The following MARCHF1 variants were observed in gnomAD, a reference collection of about 807,000 sequenced individuals.
MARCHF1 encodes E3 ubiquitin-protein ligase MARCHF1.
Under a neutral mutation model 54.2 loss-of-function variants are expected in MARCHF1, and 40 were observed. The ratio of observed to expected loss-of-function variants is 0.74; its 90% CI spans 0.57 to 0.96. The LOEUF (loss-of-function observed/expected upper bound fraction) is 0.96. Among genes scored for constraint, MARCHF1 ranks in the 40% least tolerant of loss-of-function variants. The pLI, the probability that MARCHF1 is intolerant of heterozygous loss-of-function variation, is 0.00. For missense variants in MARCHF1, 586 were observed against 656.5 expected (o/e 0.89, Z 1.17); for synonymous variants, 236 against 236.3 (o/e 1.00, Z 0.01).
chr4:164,192,626 A>C (rs767886178), intron 1 of MARCHF1, among the ~76,000 whole-genome samples: 4 of 146,998 alleles, frequency 2.7e-5, no homozygotes, highest in Non-Finnish European at 5.9e-5. Flanking sequence ...AGGAATTAAA[A>C]AACACTTCAG....
At chr4:163,881,715 C>T (rs1362783215) in intron 3 of MARCHF1, among the ~76,000 whole-genome samples, 1 of 151,998 alleles carries the variant, frequency 6.6e-6, no homozygotes, top group Admixed American at 6.6e-5. Context: ...GAAATACTAT[C>T]CAGGAATGTA....
chr4:163,553,530 T>C (rs139118298), intron 8 of MARCHF1, among the ~76,000 whole-genome samples: 231 of 152,338 alleles, frequency 1.5e-3, no homozygotes, highest in African/African-American at 5.2e-3. Context: ...AGAAGGGTTA[T>C]TACAAAAGTT....
chr4:164,037,965 G>A (rs1387263871), intron 2 of MARCHF1, among the ~76,000 whole-genome samples: 1 of 152,126 alleles, frequency 6.6e-6, no homozygotes, highest in African/African-American at 2.4e-5. Flanking sequence ...TTATTGTCAG[G>A]GTTTAAGGAG....
intron 4 of MARCHF1, among the ~76,000 whole-genome samples, chr4:163,736,549 T>TG (rs10539755): frequency 0.013 from 1,714 of 132,420 alleles, 16 homozygotes; most frequent in Non-Finnish European, 0.019. Flanking sequence ...AAGGGTTGGG[T>TG]GGGGGGGGGG....
chr4:164,344,458 TTGTGTGTG>T lies in MARCHF1; in HGVS notation c.-323+39404_-323+39411del, dbSNP rs144379635. On this transcript the variant is annotated intron_variant, in intron 1 of 9. Coordinates refer to ENST00000514618, the MANE Select transcript of MARCHF1 (RefSeq NM_001394959.1). ...TGTGTGTTTGTGCACATGCACGTGTTTGTGTGTGTGTGTGTGTGTGTGTGTGTGTGTTT... is the reference window on the plus strand; with the variant it reads ...TGTGTGTTTGTGCACATGCACGTGTTTGTGTGTGTGTGTGTGTGTGTGTTT... Among the ~76,000 whole-genome samples, 1,159 of 148,066 alleles carry T rather than the reference TTGTGTGTG, an allele frequency of 7.8e-3. 14 individuals are homozygous for T. The highest frequency in any genetic ancestry group is 0.025 in the African/African-American group (1,030 of 40,706).
chr4:163,887,364 A>G (rs1322549294), intron 3 of MARCHF1, among the ~76,000 whole-genome samples: 2 of 152,086 alleles, frequency 1.3e-5, no homozygotes, highest in Non-Finnish European at 2.9e-5. Flanking sequence ...CAGATATGCA[A>G]AATTACTAGA....
chr4:163,805,787 G>A (rs1444305128), intron 4 of MARCHF1, among the ~76,000 whole-genome samples: 1 of 143,808 alleles, frequency 7.0e-6, no homozygotes, highest in Non-Finnish European at 1.5e-5. Context: ...GATCAATGCT[G>A]TGGATTTCAA....
At chr4:163,713,530 G>A (rs1745169301) in intron 4 of MARCHF1, among the ~76,000 whole-genome samples, 1 of 152,128 alleles carries the variant, frequency 6.6e-6, no homozygotes, top group African/African-American at 2.4e-5. Context: ...GGAACATAAT[G>A]TGCTACACAA....
rs1756430034 is a variant in MARCHF1 at position 164,137,612 on chromosome 4, T to C, written c.-322-25950A>G. Among the ~76,000 whole-genome samples, 3 of 152,166 alleles carry C rather than the reference T, an allele frequency of 2.0e-5. No individual in the cohort carries two copies. In the South Asian group the frequency reaches 6.2e-4, roughly 31 times the overall value. On this transcript the variant is annotated intron_variant, in intron 1 of 9. Transcript: ENST00000514618. ...TAAAAGCTCTGTATGCTTTTTCAGG[T>C]TATATGAGAATATATTTTCCTAATA...
At position 163,665,624 on chromosome 4, in the gene MARCHF1, A is replaced by G. The variant is rs539617179; in HGVS notation, c.162+35189T>C. Among the ~76,000 whole-genome samples the G allele has an allele frequency of 3.3e-5, 5 of 152,264 alleles. No individual in the cohort carries two copies. The East Asian group carries it at 7.7e-4, about 24-fold the overall frequency. On this transcript the variant is annotated intron_variant, in intron 5 of 9. Coordinates refer to ENST00000514618, the MANE Select transcript of MARCHF1 (RefSeq NM_001394959.1). ...AGAAAATAAAAACCTGTTAAGGTCA[A>G]CTGTGAACTAGTCCCCTTTATTCAT... is the stretch of plus-strand genomic sequence containing the variant.
At chr4:164,029,441 C>A (rs1030156966) in intron 2 of MARCHF1, among the ~76,000 whole-genome samples, 7 of 151,944 alleles carry the variant, frequency 4.6e-5, no homozygotes, top group African/African-American at 1.7e-4. Context: ...CAATCACCTC[C>A]TACAGGCCCT....
chr4:163,560,225 C>T (rs1352031623), intron 8 of MARCHF1, among the ~76,000 whole-genome samples: 4 of 152,078 alleles, frequency 2.6e-5, no homozygotes, highest in Non-Finnish European at 4.4e-5. Context: ...TTATAGGATA[C>T]ATTTTGAGTT....
At chr4:163,721,214 A>G (rs1261816561) in intron 4 of MARCHF1, among the ~76,000 whole-genome samples, 4 of 152,090 alleles carry the variant, frequency 2.6e-5, no homozygotes, top group African/African-American at 9.7e-5. Flanking sequence ...TCAATACCTA[A>G]TTTATTGAGA....
At chr4:163,714,660 T>C (rs1043366837) in intron 4 of MARCHF1, among the ~76,000 whole-genome samples, 4 of 152,130 alleles carry the variant, frequency 2.6e-5, no homozygotes, top group African/African-American at 7.2e-5. Flanking sequence ...ACAATTAACA[T>C]GCTATTTTAT....
chr4:164,078,563 GT>G (rs1487524097), intron 2 of MARCHF1, among the ~76,000 whole-genome samples: 1 of 151,880 alleles, frequency 6.6e-6, no homozygotes, highest in African/African-American at 2.4e-5. Context: ...GAACAACTAT[GT>G]TTGTTGTGTT....
chr4:163,952,017 A>G (rs1752142921), intron 3 of MARCHF1, among the ~76,000 whole-genome samples: 1 of 152,222 alleles, frequency 6.6e-6, no homozygotes. Flanking sequence ...AACATTTCTT[A>G]AATGTTGAGA....
chr4:163,972,837 G>A (rs764807525), intron 3 of MARCHF1, among the ~76,000 whole-genome samples: 12 of 151,868 alleles, frequency 7.9e-5, no homozygotes, highest in Non-Finnish European at 1.5e-4. Context: ...GATTACAGGC[G>A]TGAGCCACCG....
At chr4:164,033,861 T>G (rs1354899379) in intron 2 of MARCHF1, among the ~76,000 whole-genome samples, 1 of 152,132 alleles carries the variant, frequency 6.6e-6, no homozygotes, top group East Asian at 1.9e-4. Flanking sequence ...TGGAAGACAG[T>G]GTGGTGATTT....
intron 2 of MARCHF1, among the ~76,000 whole-genome samples, chr4:164,036,123 A>G (rs1279071494): frequency 1.6e-5 from 2 of 121,288 alleles, no homozygotes; most frequent in African/African-American, 8.3e-5. Context: ...AAAACAAAAA[A>G]CAAAAAACAA....
Sources: gnomAD v4.1 joint callset for allele counts (sites outside exome capture counted in the v4.1 genomes callset) on GRCh38, gnomAD v4.1.1 for gene constraint, MANE v1.5 for transcripts, NCBI Gene and HGNC (gene_info 2026-07-23, HGNC 2026-07-21) for gene names.